Variants in ARB2A observed in about 807,000 individuals in gnomAD.
ARB2A encodes cotranscriptional regulator ARB2A.
chr5:93,925,745 A>G, the ARB2A span, among the ~76,000 whole-genome samples: 5 of 152,184 alleles, frequency 3.3e-5, no homozygotes, highest in Non-Finnish European at 7.3e-5. Flanking sequence ...AGATATGTTG[A>G]AAAAGCTCAA....
chr5:93,881,938 A>AT, the ARB2A span, among the ~76,000 whole-genome samples: 1 of 151,386 alleles, frequency 6.6e-6, no homozygotes. Flanking sequence ...CATAAAGATT[A>AT]TAAAGCTTAA....
chr5:93,752,091 A>G, the ARB2A span, among the ~76,000 whole-genome samples: 1 of 152,314 alleles, frequency 6.6e-6, no homozygotes, highest in East Asian at 1.9e-4. Flanking sequence ...CAGATGAGAA[A>G]GAGACCCAGA....
At chr5:93,802,179 T>C in the ARB2A span, among the ~76,000 whole-genome samples, 1 of 152,078 alleles carries the variant, frequency 6.6e-6, no homozygotes, top group African/African-American at 2.4e-5. Flanking sequence ...TGATAAATCT[T>C]ATAAGAAAAT....
At chr5:94,079,964 C>T in the ARB2A span, among the ~76,000 whole-genome samples, 6 of 152,024 alleles carry the variant, frequency 3.9e-5, no homozygotes, top group South Asian at 4.2e-4. Flanking sequence ...CTCAACAAGA[C>T]GGGAATATAA....
chr5:93,902,941 A>C, the ARB2A span, among the ~76,000 whole-genome samples: 4 of 152,230 alleles, frequency 2.6e-5, no homozygotes, highest in Admixed American at 6.6e-5. Context: ...CTGCTCCCAC[A>C]CAAGTGCTGG....
At chr5:93,949,465 G>GCAGGAGAATCGCTTGAAC in the ARB2A span, among the ~76,000 whole-genome samples, 1 of 152,014 alleles carries the variant, frequency 6.6e-6, no homozygotes. Flanking sequence ...GGAGGCTGAG[G>GCAGGAGAATCGCTTGAAC]CAGGAGAATC....
chr5:93,808,682 C>G, the ARB2A span, among the ~76,000 whole-genome samples: 1 of 151,912 alleles, frequency 6.6e-6, no homozygotes, highest in East Asian at 1.9e-4. Context: ...GTATACAAAG[C>G]TCTCTATCCC....
At chr5:93,691,469 G>A in the ARB2A span, among the ~76,000 whole-genome samples, 1 of 151,858 alleles carries the variant, frequency 6.6e-6, no homozygotes, top group Admixed American at 6.6e-5. Context: ...ATGAAGACAA[G>A]ATTAGAGAAA....
the ARB2A span, among the ~76,000 whole-genome samples, chr5:93,949,568 T>C: frequency 6.6e-6 from 1 of 151,568 alleles, no homozygotes; most frequent in Non-Finnish European, 1.5e-5. Context: ...ATAATAAAAA[T>C]AATAATAATA....
the ARB2A span, among the ~76,000 whole-genome samples, chr5:93,658,716 G>A: frequency 6.6e-6 from 1 of 152,076 alleles, no homozygotes; most frequent in Non-Finnish European, 1.5e-5. Context: ...TGCTTTTCAA[G>A]TGAGAAAGAT....
chr5:93,730,624 C>A, the ARB2A span, among the ~76,000 whole-genome samples: 1 of 152,124 alleles, frequency 6.6e-6, no homozygotes, highest in African/African-American at 2.4e-5. Context: ...TTTAGCTCTG[C>A]TTTTCATAAA....
chr5:93,885,542 C>T, the ARB2A span, among the ~76,000 whole-genome samples: 1 of 151,372 alleles, frequency 6.6e-6, no homozygotes, highest in Admixed American at 6.6e-5. Flanking sequence ...AATGATTTAC[C>T]AAATCAATTC....
At chr5:93,769,152 T>A in the ARB2A span, among the ~76,000 whole-genome samples, 6 of 152,254 alleles carry the variant, frequency 3.9e-5, no homozygotes, top group South Asian at 1.2e-3. Flanking sequence ...AAGGAAAAAC[T>A]ACAGTATTAA....
At chr5:93,639,615 T>C in the ARB2A span, among the ~76,000 whole-genome samples, 1 of 152,202 alleles carries the variant, frequency 6.6e-6, no homozygotes, top group East Asian at 1.9e-4. Flanking sequence ...AAGTAGTAAA[T>C]TACTACTGTT....
the ARB2A span, among the ~76,000 whole-genome samples, chr5:93,634,128 C>T: frequency 2.6e-5 from 4 of 152,032 alleles, no homozygotes; most frequent in East Asian, 5.9e-4. Flanking sequence ...CCTGGCCGGG[C>T]GCCGTGGCTC....
At chr5:93,667,802 A>G in the ARB2A span, among the ~76,000 whole-genome samples, 1 of 152,198 alleles carries the variant, frequency 6.6e-6, no homozygotes, top group Non-Finnish European at 1.5e-5. Context: ...AGTGATATTC[A>G]TTAGTTTTTT....
chr5:93,759,633 T>C, the ARB2A span, among the ~76,000 whole-genome samples: 1 of 152,038 alleles, frequency 6.6e-6, no homozygotes, highest in Non-Finnish European at 1.5e-5. Context: ...TAAACAGAAT[T>C]AAAAACAAAA....
At chr5:93,991,817 T>C in the ARB2A span, among the ~76,000 whole-genome samples, 2 of 151,916 alleles carry the variant, frequency 1.3e-5, no homozygotes, top group Non-Finnish European at 2.9e-5. Context: ...AATTAGAATA[T>C]AGGAATTGTG....
chr5:93,918,136 C>T, the ARB2A span, among the ~76,000 whole-genome samples: 3 of 152,198 alleles, frequency 2.0e-5, no homozygotes, highest in Non-Finnish European at 2.9e-5. Context: ...TTTTTAAATA[C>T]CTGTTTTCTC....
Sources: gnomAD v4.1 joint callset for allele counts (sites outside exome capture counted in the v4.1 genomes callset) on GRCh38, gnomAD v4.1.1 for gene constraint, MANE v1.5 for transcripts, NCBI Gene and HGNC (gene_info 2026-07-23, HGNC 2026-07-21) for gene names.